Variants in CREBRF observed in about 807,000 individuals in gnomAD.
The protein encoded by CREBRF is CREB3 regulatory factor, also known as UPF0474 protein C5orf41.
Under a neutral mutation model 66.1 loss-of-function variants are expected in CREBRF, and 5 were observed. That is an observed-to-expected ratio of 0.08 (90% CI 0.04 to 0.16). CREBRF has a LOEUF of 0.16. Ranked by LOEUF, CREBRF falls within the 10% of genes least tolerant of loss-of-function variation. The pLI, the probability that CREBRF is intolerant of heterozygous loss-of-function variation, is 1.00. For missense variants in CREBRF, 531 were observed against 744.9 expected (o/e 0.71, Z 3.34); for synonymous variants, 229 against 264.4 (o/e 0.87, Z 1.30).
chr5:173,086,609 G>C lies in CREBRF; in HGVS notation c.118G>C (p.Asp40His). 6.2e-7 allele frequency: 1 copy of C among 1,611,602 alleles called. No individual in the cohort carries two copies. The highest frequency in any genetic ancestry group is 1.1e-5 in the South Asian group (1 of 90,676). The change falls in exon 3 of 9, where the codon GAT becomes CAT. Residue 40 changes from aspartate (D) to histidine (H), a missense_variant. By Grantham distance (81) the Asp-to-His change is moderately conservative. Coordinates refer to ENST00000296953, the MANE Select transcript of CREBRF (RefSeq NM_153607.3). ...TDLLANSSDP[D>H]FMYELDREMN... ...TCTCTTAGCAAACAGTTCGGATCCAGATTTCATGTATGAACTGGTAAGCAA... is the reference window on the plus strand; with the variant it reads ...TCTCTTAGCAAACAGTTCGGATCCACATTTCATGTATGAACTGGTAAGCAA...
At chr5:173,057,297 A>C (rs1757096924) in intron 1 of CREBRF, 1 of 151,812 alleles carries the variant, frequency 6.6e-6, no homozygotes, top group Non-Finnish European at 1.5e-5. Flanking sequence ...CGGGGCAGCC[A>C]TGTTAGATGG....
In CREBRF at chr5:173,080,662, T is replaced by C. The variant is rs180733825; in HGVS notation, c.-114T>C. The C allele has an allele frequency of 3.5e-4, 369 of 1,043,270 alleles. 1 individual carries two copies. The highest frequency in any genetic ancestry group is 4.7e-4 in the Non-Finnish European group (316 of 678,336). The allele number at this position is 1,043,270 out of a possible 1,614,324, so 64.6% of individuals were successfully genotyped here. The stretch of plus-strand genomic sequence containing the variant: ...TTGGAAGCACTCTGGGGAAACCTGC[T>C]GTTTATTGTGGAAATCATCTTCGAT... On this transcript the variant is annotated 5_prime_UTR_variant, in exon 2 of 9. Transcript: ENST00000296953.
intron 7 of CREBRF, among the ~76,000 whole-genome samples, chr5:173,121,062 A>G (rs974895397): frequency 6.6e-6 from 1 of 152,072 alleles, no homozygotes; most frequent in Non-Finnish European, 1.5e-5. Flanking sequence ...AAGTTGTTAA[A>G]TTTGTTAGCA....
chr5:173,104,156 T>C (rs1293049461), intron 4 of CREBRF, among the ~76,000 whole-genome samples: 3 of 152,240 alleles, frequency 2.0e-5, no homozygotes. Context: ...TTATGATTTC[T>C]TAATCTTTTA....
At chr5:173,093,851 T>G (rs1217600647) in intron 4 of CREBRF, among the ~76,000 whole-genome samples, 1 of 152,196 alleles carries the variant, frequency 6.6e-6, no homozygotes, top group East Asian at 1.9e-4. Flanking sequence ...TGCTGTATGT[T>G]AGATCTCCAG....
At chr5:173,126,333 G>A (rs1219371156) in intron 8 of CREBRF, among the ~76,000 whole-genome samples, 2 of 152,146 alleles carry the variant, frequency 1.3e-5, no homozygotes, top group East Asian at 3.9e-4. Context: ...TGGGGATGGG[G>A]TTTCACCATG....
At chr5:173,106,309 A>G (rs1040004239) in intron 4 of CREBRF, among the ~76,000 whole-genome samples, 1 of 151,992 alleles carries the variant, frequency 6.6e-6, no homozygotes, top group Non-Finnish European at 1.5e-5. Flanking sequence ...GGGCGCCTGT[A>G]GTCCCAGCTA....
At chr5:173,101,595 C>A (rs889774151) in intron 4 of CREBRF, among the ~76,000 whole-genome samples, 1 of 151,882 alleles carries the variant, frequency 6.6e-6, no homozygotes, top group Non-Finnish European at 1.5e-5. Flanking sequence ...CTCTGTCGCC[C>A]AGGCTGGAGT....
chr5:173,106,773 G>C (rs868749834), intron 4 of CREBRF, among the ~76,000 whole-genome samples: 14 of 144,716 alleles, frequency 9.7e-5, no homozygotes, highest in African/African-American at 3.6e-4. Context: ...TATTGAGATG[G>C]AGTCTTGCTC....
chr5:173,086,179 C>T, intron 2 of CREBRF: 1 of 772,632 alleles, frequency 1.3e-6, no homozygotes, highest in Non-Finnish European at 2.4e-6. Context: ...ACAGCACCAT[C>T]ACCCACAACA....
rs201065490 is a variant in CREBRF, at chr5:173,062,747, C to A, written c.-192+6268C>A. Among the ~76,000 whole-genome samples the A allele has an allele frequency of 3.4e-5, 4 of 118,746 alleles. No individual in the cohort carries two copies. In the East Asian group the frequency reaches 9.2e-4, roughly 27 times the overall value. The allele number at this position is 118,746 out of a possible 152,430, so 77.9% of individuals were successfully genotyped here. A position where few individuals can be genotyped will look rare whatever the true frequency, so the allele number is the denominator to read the frequency against. On this transcript the variant is annotated intron_variant, in intron 1 of 8. Coordinates refer to ENST00000296953, the MANE Select transcript of CREBRF (RefSeq NM_153607.3). ...TTAAGGAGGGCACTGTAAAATCATTCTTTTTTTTTTTTTTTTTTGAGACGG... is the reference window on the plus strand; with the variant it reads ...TTAAGGAGGGCACTGTAAAATCATTATTTTTTTTTTTTTTTTTTGAGACGG...
rs1307931855 is a variant in CREBRF at position 173,137,879 on chromosome 5, T to G, written c.*4134T>G. The G allele has an allele frequency of 6.6e-6, 1 of 152,174 alleles. No individual in the cohort carries two copies. The highest frequency in any genetic ancestry group is 6.5e-5 in the Admixed American group (1 of 15,276). 9.4% of individuals were successfully genotyped at this position (152,174 alleles called of 1,614,324 possible). ...TTCAGCAAGAATTAACAAAAACTTATGTTCCCTTTCTTTATATAGTTTCCT... is the reference window on the plus strand; with the variant it reads ...TTCAGCAAGAATTAACAAAAACTTAGGTTCCCTTTCTTTATATAGTTTCCT... On this transcript the variant is annotated 3_prime_UTR_variant, in exon 9 of 9. Transcript: ENST00000296953.
chr5:173,097,482 T>G (rs190416614), intron 4 of CREBRF, among the ~76,000 whole-genome samples: 23 of 152,316 alleles, frequency 1.5e-4, no homozygotes, highest in African/African-American at 5.3e-4. Context: ...TGACCTCAGT[T>G]GATCTGCCCG....
chr5:173,122,661 A>C (rs1416101276), intron 7 of CREBRF, among the ~76,000 whole-genome samples: 1 of 146,650 alleles, frequency 6.8e-6, no homozygotes, highest in Non-Finnish European at 1.5e-5. Flanking sequence ...AGTTAGTTAC[A>C]TATGTATACA....
At position 173,134,830 on chromosome 5, in the gene CREBRF, C is replaced by T. The variant is rs562236009; in HGVS notation, c.*1085C>T. The T allele has an allele frequency of 6.6e-6, 1 of 152,556 alleles. No individual in the cohort carries two copies. The highest frequency in any genetic ancestry group is 1.9e-4 in the East Asian group (1 of 5,186). The allele number at this position is 152,556 out of a possible 1,614,324, so 9.5% of individuals were successfully genotyped here. On this transcript the variant is annotated 3_prime_UTR_variant, in exon 9 of 9. Transcript: ENST00000296953. ...ATTTCTGTTTGGGTCCAATTATCTA[C>T]AGAAGGAGCATCCATACATACAAAT... is the stretch of plus-strand genomic sequence containing the variant.
Position 173,136,943 on chromosome 5 carries a change from AGT to A in CREBRF, c.*3199_*3200del, listed in dbSNP as rs942012101. The stretch of plus-strand genomic sequence containing the variant: ...CAAAGCAATTATAAACTTTGACTCT[AGT>A]ACTACTATGATTTAAAAAAAAAAAA... On this transcript the variant is annotated 3_prime_UTR_variant, in exon 9 of 9. Transcript: ENST00000296953. 6.7e-6 allele frequency: 1 copy of A among 149,854 alleles called. No individual in the cohort carries two copies. Among genetic ancestry groups the A allele is most frequent in the African/African-American group, 2.4e-5 (1 of 40,818 alleles). The allele number at this position is 149,854 out of a possible 1,614,324, so 9.3% of individuals were successfully genotyped here. A position where few individuals can be genotyped will look rare whatever the true frequency, so the allele number is the denominator to read the frequency against.
At chr5:173,074,783 T>A (rs1353543700) in intron 1 of CREBRF, among the ~76,000 whole-genome samples, 1 of 151,968 alleles carries the variant, frequency 6.6e-6, no homozygotes, top group Non-Finnish European at 1.5e-5. Context: ...CCACCACGCC[T>A]GGCTAATTTT....
rs1333077008 is a variant in CREBRF, at chr5:173,138,582, G to A, written c.*4837G>A. ...GAACATCAAAGTTGGGTATTTCAAT[G>A]TGCCAAGTTTGGGTGAACTAGGTTC... On this transcript the variant is annotated 3_prime_UTR_variant, in exon 9 of 9. Coordinates refer to ENST00000296953, the MANE Select transcript of CREBRF (RefSeq NM_153607.3). 1 of 152,142 alleles carries A rather than the reference G, an allele frequency of 6.6e-6. No homozygotes were observed. Among genetic ancestry groups the A allele is most frequent in the Middle Eastern group, 3.2e-3 (1 of 316 alleles). The allele number at this position is 152,142 out of a possible 1,614,324, so 9.4% of individuals were successfully genotyped here.
intron 1 of CREBRF, among the ~76,000 whole-genome samples, chr5:173,077,582 AG>A (rs1462588484): frequency 6.6e-6 from 1 of 151,856 alleles, no homozygotes; most frequent in African/African-American, 2.4e-5. Flanking sequence ...TAGTAGAGAC[AG>A]GGTTTCACCA....
Sources: gnomAD v4.1 joint callset for allele counts (sites outside exome capture counted in the v4.1 genomes callset) on GRCh38, gnomAD v4.1.1 for gene constraint, MANE v1.5 for transcripts, NCBI Gene and HGNC (gene_info 2026-07-23, HGNC 2026-07-21) for gene names.